The following CIB4 variants were observed in gnomAD, a reference collection of about 807,000 sequenced individuals.
CIB4 encodes the protein calcium and integrin-binding family member 4.
In CIB4, 25 loss-of-function variants were observed where a neutral mutation model predicts 25.8. The ratio of observed to expected loss-of-function variants is 0.97; its 90% CI spans 0.71 to 1.35. The LOEUF (loss-of-function observed/expected upper bound fraction) is 1.35. Ranked by LOEUF, CIB4 falls within the 40% of genes most tolerant of loss-of-function variation. CIB4 has a pLI of 0.00. For missense variants in CIB4, 235 were observed against 228.2 expected, an observed-to-expected ratio of 1.03 and a Z score of -0.19; for synonymous variants, 75 against 81.4, an observed-to-expected ratio of 0.92 and a Z score of 0.42.
rs553958798 is a variant in CIB4 at position 26,596,715 on chromosome 2, C to T, written c.187-1398G>A. ...TGAGCCGAGATTGCGCCATTGCCCT[C>T]CAGCCTGGGCAAAAAGAGCAAAACT... On this transcript the variant is annotated intron_variant, in intron 3 of 6. Transcript: ENST00000288861. Among the ~76,000 whole-genome samples the T allele has an allele frequency of 2.0e-5, 3 of 149,608 alleles. No homozygotes were observed. The South Asian group carries it at 6.5e-4, about 32-fold the overall frequency.
chr2:26,582,889 T>A lies in CIB4; in HGVS notation c.463A>T (p.Asn155Tyr). Residue 155 changes from asparagine (N) to tyrosine (Y), a missense_variant, in exon 6 of 7, where the codon AAT (asparagine) becomes TAT (tyrosine). Asn to Tyr is a moderately radical substitution (Grantham distance 143). Coordinates refer to ENST00000288861, the MANE Select transcript of CIB4 (RefSeq NM_001029881.3). ...NHVLSESDLD[N>Y]DNMLSFSEFE... Reference sequence around the variant, plus strand: ...TCTGAGAAGGACAGCATGTTGTCATTGTCCAGATCCGACTCACTCAGGACC... The same window carrying A: ...TCTGAGAAGGACAGCATGTTGTCATAGTCCAGATCCGACTCACTCAGGACC... 6.2e-7 allele frequency: 1 copy of A among 1,613,718 alleles called. No individual in the cohort carries two copies. Among genetic ancestry groups the A allele is most frequent in the Non-Finnish European group, 8.5e-7 (1 of 1,179,690 alleles).
intron 3 of CIB4, chr2:26,623,460 G>A (rs1347731746): frequency 1.3e-5 from 6 of 460,440 alleles, no homozygotes; most frequent in Admixed American, 2.4e-5. Flanking sequence ...ACTTTTCATC[G>A]CTTTCAGCCT....
At chr2:26,618,915 TG>T (rs1669148015) in intron 3 of CIB4, among the ~76,000 whole-genome samples, 1 of 152,192 alleles carries the variant, frequency 6.6e-6, no homozygotes, top group Non-Finnish European at 1.5e-5. Flanking sequence ...ACTGGTAGCC[TG>T]GGTGAGACCA....
chr2:26,612,699 G>A (rs554205024), intron 3 of CIB4, among the ~76,000 whole-genome samples: 2 of 152,110 alleles, frequency 1.3e-5, no homozygotes, highest in South Asian at 2.1e-4. Context: ...CTGGCCAAGC[G>A]AGGCACTGCA....
intron 2 of CIB4, among the ~76,000 whole-genome samples, chr2:26,632,572 C>T (rs529610996): frequency 2.0e-5 from 3 of 152,120 alleles, no homozygotes; most frequent in Admixed American, 6.5e-5. Context: ...GCCTGGCCAA[C>T]ATGGTGAAAC....
intron 3 of CIB4, among the ~76,000 whole-genome samples, chr2:26,608,206 C>T (rs1340368554): frequency 1.3e-5 from 2 of 148,906 alleles, no homozygotes; most frequent in Non-Finnish European, 3.0e-5. Flanking sequence ...CACCACTGCA[C>T]TCCAGCCTGG....
chr2:26,617,853 A>G (rs546340723), intron 3 of CIB4, among the ~76,000 whole-genome samples: 1 of 152,314 alleles, frequency 6.6e-6, no homozygotes, highest in African/African-American at 2.4e-5. Flanking sequence ...GCAGCTCCTC[A>G]TCAACGGACC....
chr2:26,609,868 C>A (rs1668964384), intron 3 of CIB4, among the ~76,000 whole-genome samples: 1 of 152,184 alleles, frequency 6.6e-6, no homozygotes, highest in Non-Finnish European at 1.5e-5. Context: ...AATATGAAAA[C>A]CCTTTAAAAC....
At chr2:26,635,301 T>TC (rs1669511399) in intron 2 of CIB4, among the ~76,000 whole-genome samples, 1 of 151,876 alleles carries the variant, frequency 6.6e-6, no homozygotes, top group African/African-American at 2.4e-5. Flanking sequence ...ACATGAGGTC[T>TC]CCCCCCACCA....
At chr2:26,589,078 T>TTCTTCTTCTTCC (rs1668525669) in intron 4 of CIB4, among the ~76,000 whole-genome samples, 5 of 32,536 alleles carry the variant, frequency 1.5e-4, no homozygotes, top group African/African-American at 5.7e-4. Flanking sequence ...CTTCCTCTTC[T>TTCTTCTTCTTCC]TCTTCTTCTT....
chr2:26,617,037 C>A (rs1669106338), intron 3 of CIB4, among the ~76,000 whole-genome samples: 1 of 152,084 alleles, frequency 6.6e-6, no homozygotes, highest in Non-Finnish European at 1.5e-5. Flanking sequence ...CAGCCTCCCC[C>A]ACTGCTCTAC....
At chr2:26,601,144 T>A (rs1668775028) in intron 3 of CIB4, among the ~76,000 whole-genome samples, 1 of 148,400 alleles carries the variant, frequency 6.7e-6, no homozygotes, top group African/African-American at 2.5e-5. Flanking sequence ...TCAATGAGCC[T>A]AGGAGGCTGA....
rs187589742 is a variant in CIB4 at position 26,636,192 on chromosome 2, A to G, written c.89+4341T>C. 6.6e-5 allele frequency among the ~76,000 whole-genome samples: 10 copies of G among 152,258 alleles called. No individual in the cohort carries two copies. In the East Asian group the frequency reaches 1.5e-3, roughly 24 times the overall value. ...TTCCTTTCCCCAACCTCCCAATATA[A>G]AACAATTTTCCTGAATGAATATTCA... On this transcript the variant is annotated intron_variant, in intron 2 of 6. Coordinates refer to ENST00000288861, the MANE Select transcript of CIB4 (RefSeq NM_001029881.3).
At chr2:26,582,273 C>T (rs1161875775) in intron 6 of CIB4, among the ~76,000 whole-genome samples, 2 of 152,188 alleles carry the variant, frequency 1.3e-5, no homozygotes, top group African/African-American at 2.4e-5. Context: ...CCAGGGGGCA[C>T]GCATCTCCCG....
At chr2:26,618,563 G>A (rs927537775) in intron 3 of CIB4, among the ~76,000 whole-genome samples, 1 of 152,170 alleles carries the variant, frequency 6.6e-6, no homozygotes, top group African/African-American at 2.4e-5. Flanking sequence ...ACCTCCTAAA[G>A]TAGTGGGATT....
At chr2:26,584,707 T>C (rs1213339832) in intron 4 of CIB4, among the ~76,000 whole-genome samples, 4 of 152,150 alleles carry the variant, frequency 2.6e-5, no homozygotes, top group African/African-American at 9.7e-5. Flanking sequence ...CTGCAGACCA[T>C]GGCAGGCTCC....
chr2:26,620,254 T>C (rs758425392), intron 3 of CIB4, among the ~76,000 whole-genome samples: 2 of 152,194 alleles, frequency 1.3e-5, no homozygotes, highest in Non-Finnish European at 2.9e-5. Flanking sequence ...CTGATCTCCA[T>C]CCCGGAATCC....
intron 3 of CIB4, among the ~76,000 whole-genome samples, chr2:26,625,466 C>T (rs1250653943): frequency 6.6e-6 from 1 of 151,964 alleles, no homozygotes; most frequent in East Asian, 1.9e-4. Flanking sequence ...GATTCTCCTG[C>T]CTCCGCCTCC....
intron 3 of CIB4, among the ~76,000 whole-genome samples, chr2:26,603,141 C>A (rs556158520): frequency 6.6e-6 from 1 of 152,106 alleles, no homozygotes; most frequent in South Asian, 2.1e-4. Flanking sequence ...TCTGACAGAC[C>A]CAAGTTGAAA....
Sources: gnomAD v4.1 joint callset for allele counts (sites outside exome capture counted in the v4.1 genomes callset) on GRCh38, gnomAD v4.1.1 for gene constraint, MANE v1.5 for transcripts, NCBI Gene and HGNC (gene_info 2026-07-23, HGNC 2026-07-21) for gene names.